RYR3: variants seen among roughly 807,000 people sequenced by gnomAD.
The protein encoded by RYR3 is brain ryanodine receptor-calcium release channel.
A neutral mutation model predicts 584.3 loss-of-function variants in RYR3; 207 were observed. The observed-to-expected ratio is 0.35, with a 90% confidence interval of 0.32 to 0.40. The LOEUF (loss-of-function observed/expected upper bound fraction) is 0.40, where lower values mean the gene tolerates loss of function less well. Among genes scored for constraint, RYR3 ranks in the 10% least tolerant of loss-of-function variants. The probability of loss-of-function intolerance (pLI) is 1.00; values close to 1 mark genes in which losing one functional copy is unlikely to be tolerated. For missense variants in RYR3, 5,616 were observed against 6,089.2 expected, an observed-to-expected ratio of 0.92 and a Z score of 2.59; for synonymous variants, 2,416 against 2,248.5, an observed-to-expected ratio of 1.07 and a Z score of -2.11.
chr15:33,506,658 T>C (rs981682298), intron 3 of RYR3, among the ~76,000 whole-genome samples: 4 of 152,196 alleles, frequency 2.6e-5, no homozygotes, highest in African/African-American at 9.6e-5. Context: ...TGTGCATTGA[T>C]GACTCCACAA....
At chr15:33,624,569 C>T (rs1207257253) in intron 20 of RYR3, among the ~76,000 whole-genome samples, 1 of 152,208 alleles carries the variant, frequency 6.6e-6, no homozygotes, top group South Asian at 2.1e-4. Context: ...TGCGTATTCT[C>T]ATATGGCTGG....
In RYR3 at chr15:33,770,121, T is replaced by TAAA. The variant is rs5811792; in HGVS notation, c.8816+960_8816+962dup. Reference sequence around the variant, plus strand: ...GAATAATGTAGAGAGACCTCATCTTTAAAAAAAAAAAAAGAAAGAAACGTC... The same window carrying TAAA: ...GAATAATGTAGAGAGACCTCATCTTTAAAAAAAAAAAAAAAAGAAAGAAACGTC... On this transcript the variant is annotated intron_variant, in intron 62 of 103. Coordinates refer to ENST00000634891, the MANE Select transcript of RYR3 (RefSeq NM_001036.6). 3.5e-3 allele frequency among the ~76,000 whole-genome samples: 509 copies of TAAA among 143,620 alleles called. 3 individuals carry two copies. Among genetic ancestry groups the TAAA allele is most frequent in the Middle Eastern group, 0.011 (3 of 282 alleles). The allele number at this position is 143,620 out of a possible 152,430, so 94.2% of individuals were successfully genotyped here.
intron 38 of RYR3, among the ~76,000 whole-genome samples, chr15:33,679,462 G>T (rs997978853): frequency 3.9e-5 from 6 of 152,254 alleles, no homozygotes; most frequent in African/African-American, 1.4e-4. Context: ...AAATGTGGTG[G>T]TAAAATTCTT....
chr15:33,369,701 A>G (rs1338843901), intron 1 of RYR3, among the ~76,000 whole-genome samples: 1 of 152,180 alleles, frequency 6.6e-6, no homozygotes, highest in Non-Finnish European at 1.5e-5. Flanking sequence ...GGAAGATACC[A>G]TGTCCATTTT....
At chr15:33,625,693 G>A (rs1416511758) in intron 20 of RYR3, among the ~76,000 whole-genome samples, 1 of 152,182 alleles carries the variant, frequency 6.6e-6, no homozygotes, top group Non-Finnish European at 1.5e-5. Context: ...GAGAAGGGGA[G>A]AAGGGCACTT....
At chr15:33,724,928 G>A (rs1323606720) in intron 45 of RYR3, among the ~76,000 whole-genome samples, 1 of 152,060 alleles carries the variant, frequency 6.6e-6, no homozygotes, top group Non-Finnish European at 1.5e-5. Flanking sequence ...AAACCTGGAA[G>A]GGAGCCCAGA....
intron 78 of RYR3, 73 bp downstream of exon 78, chr15:33,820,885 T>G: frequency 2.1e-6 from 2 of 956,894 alleles, no homozygotes; most frequent in Admixed American, 6.0e-5. Flanking sequence ...AGGTGGGTGC[T>G]GACATTAGCC....
At chr15:33,491,766 A>G (rs2050980784) in intron 2 of RYR3, among the ~76,000 whole-genome samples, 1 of 152,152 alleles carries the variant, frequency 6.6e-6, no homozygotes, top group Non-Finnish European at 1.5e-5. Flanking sequence ...ATGTAGCATT[A>G]GACGTGGTAT....
At chr15:33,812,740 G>C (rs1371606742) in intron 72 of RYR3, 123 bp from the exon 73 acceptor site, 2 of 873,968 alleles carry the variant, frequency 2.3e-6, no homozygotes. Context: ...TTGAGAAAAT[G>C]AAAGTGAAGT....
Position 33,853,092 on chromosome 15 carries a change from G to A in RYR3, c.13671+5G>A, listed in dbSNP as rs1567326338. ...GACAAGTTTGTAAAGAGAAAGGTAT[G>A]CCTTGTTAGTGGGGGTGAGTTCCGT... On this transcript the variant is annotated splice_donor_5th_base_variant and intron_variant, in intron 95 of 103. Coordinates refer to ENST00000634891, the MANE Select transcript of RYR3 (RefSeq NM_001036.6). 1.3e-6 allele frequency: 2 copies of A among 1,589,456 alleles called. No individual in the cohort carries two copies. Among genetic ancestry groups the A allele is most frequent in the Non-Finnish European group, 1.7e-6 (2 of 1,170,134 alleles).
intron 51 of RYR3, among the ~76,000 whole-genome samples, chr15:33,741,575 G>T (rs538234670): frequency 6.6e-6 from 1 of 151,998 alleles, no homozygotes; most frequent in East Asian, 1.9e-4. Flanking sequence ...AATAGCAGGT[G>T]TCTACTGTAC....
At chr15:33,845,393 C>T (rs2078657789) in intron 93 of RYR3, among the ~76,000 whole-genome samples, 2 of 152,218 alleles carry the variant, frequency 1.3e-5, no homozygotes, top group Admixed American at 1.3e-4. Context: ...GCTGGGATTA[C>T]AGATGCCTGC....
Position 33,825,673 on chromosome 15 carries a change from A to G in RYR3, c.11143A>G (p.Thr3715Ala). 1 of 1,591,420 alleles carries G rather than the reference A, an allele frequency of 6.3e-7. No homozygotes were observed. The highest frequency in any genetic ancestry group is 8.6e-7 in the Non-Finnish European group (1 of 1,160,378). ...CCTGGGGATGGTGACTGAAGAAGGA[A>G]CACGTAAGTAACTAATGAATGTGAA... ...EGLGMVTEEG[T>A]LIVRERGEKV... The change falls in exon 82 of 104, where the codon ACA becomes GCA. Residue 3715 changes from threonine (T) to alanine (A), a missense_variant. By Grantham distance (58) the Thr-to-Ala change is moderately conservative. Transcript: ENST00000634891.
intron 16 of RYR3, among the ~76,000 whole-genome samples, chr15:33,600,551 A>C (rs1382026317): frequency 6.6e-6 from 1 of 152,054 alleles, no homozygotes; most frequent in Admixed American, 6.5e-5. Context: ...GACAAGGCAG[A>C]CAGAGACTGT....
chr15:33,694,467 T>C (rs944950815), intron 38 of RYR3, among the ~76,000 whole-genome samples: 2 of 152,080 alleles, frequency 1.3e-5, no homozygotes, highest in Non-Finnish European at 2.9e-5. Flanking sequence ...GATAGTCTCC[T>C]TCTCCTGACC....
At chr15:33,601,331 A>G in intron 16 of RYR3, 88 bp from the exon 17 acceptor site, 1 of 1,373,912 alleles carries the variant, frequency 7.3e-7, no homozygotes, top group Non-Finnish European at 1.0e-6. Context: ...CCCACCCTTT[A>G]TGGACTCCTT....
intron 20 of RYR3, among the ~76,000 whole-genome samples, chr15:33,624,771 A>G (rs925098455): frequency 6.6e-6 from 1 of 152,250 alleles, no homozygotes; most frequent in East Asian, 1.9e-4. Flanking sequence ...TTTTCTACAC[A>G]GCAGGGCTAT....
chr15:33,604,065 A>T (rs2059797867), intron 18 of RYR3, among the ~76,000 whole-genome samples: 1 of 152,244 alleles, frequency 6.6e-6, no homozygotes, highest in Admixed American at 6.5e-5. Context: ...TTCATCAAGA[A>T]GAAGAGCCCT....
At chr15:33,733,177 G>A (rs554018172) in intron 48 of RYR3, among the ~76,000 whole-genome samples, 9 of 152,320 alleles carry the variant, frequency 5.9e-5, no homozygotes, top group African/African-American at 2.2e-4. Flanking sequence ...ACTTTGGAAA[G>A]TAGTTTGTCA....
Sources: allele counts gnomAD v4.1 joint callset (sites outside exome capture counted in the v4.1 genomes callset), GRCh38; gene constraint gnomAD v4.1.1; transcripts MANE v1.5; gene names NCBI Gene and HGNC (gene_info 2026-07-23, HGNC 2026-07-21).